The following METTL21C variants were observed in gnomAD, a reference collection of about 807,000 sequenced individuals.
METTL21C encodes methyltransferase 21C, AARS1 lysine, also known as protein-lysine methyltransferase METTL21C.
Under a neutral mutation model 25.9 loss-of-function variants are expected in METTL21C, and 21 were observed. The ratio of observed to expected loss-of-function variants is 0.81; its 90% CI spans 0.58 to 1.17. The LOEUF (loss-of-function observed/expected upper bound fraction) is 1.17, where lower values mean the gene tolerates loss of function less well. Among genes scored for constraint, METTL21C ranks in the 50% most tolerant of loss-of-function variants. METTL21C has a pLI of 0.00. For missense variants in METTL21C, 312 were observed against 315.1 expected (o/e 0.99, Z 0.07); for synonymous variants, 125 against 124.7 (o/e 1.00, Z -0.01).
upstream of METTL21C, among the ~76,000 whole-genome samples, chr13:102,698,643 A>G (rs1885984906): frequency 6.6e-6 from 1 of 151,662 alleles, no homozygotes; most frequent in Non-Finnish European, 1.5e-5. Context: ...CCAATCAATG[A>G]CCCCAATTTT....
At chr13:102,690,553 C>T (rs1885803278) in intron 2 of METTL21C, among the ~76,000 whole-genome samples, 1 of 152,048 alleles carries the variant, frequency 6.6e-6, no homozygotes, top group African/African-American at 2.4e-5. Flanking sequence ...TTTGCATTCA[C>T]TTCCTCATAT....
At chr13:102,691,844 A>C (rs773963216) in intron 1 of METTL21C, among the ~76,000 whole-genome samples, 2 of 152,208 alleles carry the variant, frequency 1.3e-5, no homozygotes, top group Non-Finnish European at 2.9e-5. Context: ...CCCATGACCC[A>C]TCTAGCAGCT....
chr13:102,690,632 A>T (rs1398963463), intron 2 of METTL21C, among the ~76,000 whole-genome samples, 181 bp downstream of exon 2: 1 of 152,008 alleles, frequency 6.6e-6, no homozygotes, highest in African/African-American at 2.4e-5. Context: ...AGTGTTTCTG[A>T]AAGAAACACT....
At chr13:102,696,766 A>G (rs1240190169), upstream of METTL21C, among the ~76,000 whole-genome samples, 2 of 152,176 alleles carry the variant, frequency 1.3e-5, no homozygotes, top group Admixed American at 1.3e-4. Context: ...GGAACCAAGA[A>G]GTCTGAATTC....
chr13:102,692,606 A>G (rs1418207165), intron 1 of METTL21C, among the ~76,000 whole-genome samples: 1 of 152,218 alleles, frequency 6.6e-6, no homozygotes, highest in Non-Finnish European at 1.5e-5. Flanking sequence ...TCATTTGTAA[A>G]TTAGCATCAT....
In METTL21C at chr13:102,687,070, T is replaced by A; in HGVS notation, c.283-13A>T. The A allele has an allele frequency of 3.7e-6, 6 of 1,601,518 alleles. No homozygotes were observed. The highest frequency in any genetic ancestry group is 5.1e-6 in the Non-Finnish European group (6 of 1,168,682). ...ACAAAGCCATAGCCTAAAAAATAAT[T>A]ATAACTTTTCATGTGGGCATTGGAA... On this transcript the variant is annotated splice_polypyrimidine_tract_variant and intron_variant, in intron 2 of 3. Transcript: ENST00000267273.
In METTL21C at chr13:102,690,883, T is replaced by C. The variant is rs368026829; in HGVS notation, c.212A>G (p.Tyr71Cys). The change falls in exon 2 of 4, where the codon TAT becomes TGT. Residue 71 changes from tyrosine to cysteine, a missense_variant. Transcript: ENST00000267273. ...TDYASYTQEH[Y>C]RFAGKEIVIQ... Reference sequence around the variant, plus strand: ...GACAATCTCCTTTCCTGCAAACCGATAATGCTCCTGAGTGTAGCTGGCGTA... The same window carrying C: ...GACAATCTCCTTTCCTGCAAACCGACAATGCTCCTGAGTGTAGCTGGCGTA... 7 of 1,614,164 alleles carry C rather than the reference T, an allele frequency of 4.3e-6. No individual in the cohort carries two copies. The highest frequency in any genetic ancestry group is 5.1e-6 in the Non-Finnish European group (6 of 1,180,014).
Position 102,685,908 on chromosome 13 carries a change from C to G in METTL21C, c.*123G>C, listed in dbSNP as rs1885652949. The G allele has an allele frequency of 2.3e-6, 2 of 886,410 alleles. No homozygotes were observed. The highest frequency in any genetic ancestry group is 5.5e-5 in the East Asian group (2 of 36,520). 54.9% of individuals were successfully genotyped at this position (886,410 alleles called of 1,614,324 possible). A position where few individuals can be genotyped will look rare whatever the true frequency, so the allele number is the denominator to read the frequency against. On this transcript the variant is annotated 3_prime_UTR_variant, in exon 4 of 4. Transcript: ENST00000267273. ...TTCTGCAGTATTGTTACATTTGTTCCAAGTATACAAGTTGTTTCTATGCAC... is the reference window on the plus strand; with the variant it reads ...TTCTGCAGTATTGTTACATTTGTTCGAAGTATACAAGTTGTTTCTATGCAC...
Position 102,686,133 on chromosome 13 carries a change from A to G in METTL21C, c.693T>C (p.Tyr231=), listed in dbSNP as rs1595241220. The change falls in exon 4 of 4, where the codon TAT becomes TAC. Residue 231 remains tyrosine, a synonymous_variant. Transcript: ENST00000267273. The part of the protein sequence containing the change: ...WANKFRFSTD[Y]EFLDKFKQVF... ...CTTGCTTGAATTTATCTAAAAATTC[A>G]TAGTCGGTGCTGAACCTGAATTTGT... is the stretch of plus-strand genomic sequence containing the variant. 2 of 1,614,164 alleles carry G rather than the reference A, an allele frequency of 1.2e-6. No individual in the cohort carries two copies. The highest frequency in any genetic ancestry group is 1.7e-6 in the Non-Finnish European group (2 of 1,179,976).
chr13:102,704,110 A>G, the METTL21C span, among the ~76,000 whole-genome samples: 1 of 152,246 alleles, frequency 6.6e-6, no homozygotes, highest in Non-Finnish European at 1.5e-5. Context: ...AAAATGTTAC[A>G]ATCCAACTAA....
upstream of METTL21C, among the ~76,000 whole-genome samples, chr13:102,697,854 G>T (rs555340394): frequency 2.6e-5 from 4 of 152,270 alleles, no homozygotes; most frequent in Non-Finnish European, 5.9e-5. Flanking sequence ...ACAGGAGCAG[G>T]CGACCAGAGC....
chr13:102,700,762 G>C, the METTL21C span, among the ~76,000 whole-genome samples: 1 of 152,150 alleles, frequency 6.6e-6, no homozygotes, highest in Admixed American at 6.5e-5. Flanking sequence ...CAGTGATTCA[G>C]CTTTGAAGCT....
chr13:102,702,712 T>C, the METTL21C span, among the ~76,000 whole-genome samples: 1 of 152,108 alleles, frequency 6.6e-6, no homozygotes, highest in Non-Finnish European at 1.5e-5. Flanking sequence ...TGCCTCAGCC[T>C]CCCAAGTAGC....
At chr13:102,692,160 G>T (rs1462681789) in intron 1 of METTL21C, among the ~76,000 whole-genome samples, 1 of 152,168 alleles carries the variant, frequency 6.6e-6, no homozygotes, top group Admixed American at 6.5e-5. Flanking sequence ...AGGTAGAAGG[G>T]GGCAGCCGGT....
At chr13:102,691,994 A>T (rs1223417173) in intron 1 of METTL21C, among the ~76,000 whole-genome samples, 3 of 152,166 alleles carry the variant, frequency 2.0e-5, no homozygotes, top group Admixed American at 6.5e-5. Flanking sequence ...GAGCAGGAGC[A>T]GAGGAAAAGG....
At chr13:102,690,289 C>T (rs554601028) in intron 2 of METTL21C, among the ~76,000 whole-genome samples, 10 of 152,026 alleles carry the variant, frequency 6.6e-5, no homozygotes, top group East Asian at 1.9e-4. Flanking sequence ...GGCATGGTGG[C>T]GCGCACCTGT....
At position 102,687,072 on chromosome 13, in the gene METTL21C, T is replaced by C. The variant is rs1009211837; in HGVS notation, c.283-15A>G. 5 of 1,594,974 alleles carry C rather than the reference T, an allele frequency of 3.1e-6. No individual in the cohort carries two copies. The highest frequency in any genetic ancestry group is 2.7e-5 in the African/African-American group (2 of 74,538). On this transcript the variant is annotated splice_polypyrimidine_tract_variant and intron_variant, in intron 2 of 3. Transcript: ENST00000267273. ...AAAGCCATAGCCTAAAAAATAATTA[T>C]AACTTTTCATGTGGGCATTGGAACA...
intron 2 of METTL21C, among the ~76,000 whole-genome samples, chr13:102,690,023 C>CT (rs1359514747): frequency 1.3e-5 from 2 of 152,166 alleles, no homozygotes; most frequent in Non-Finnish European, 2.9e-5. Flanking sequence ...CAGAGGACTG[C>CT]CCCCATTTCA....
chr13:102,703,302 T>C, the METTL21C span, among the ~76,000 whole-genome samples: 1 of 152,354 alleles, frequency 6.6e-6, no homozygotes, highest in South Asian at 2.1e-4. Context: ...CTGGAACTTC[T>C]AGCCCTGAGG....
Sources: gnomAD v4.1 joint callset for allele counts (sites outside exome capture counted in the v4.1 genomes callset) on GRCh38, gnomAD v4.1.1 for gene constraint, MANE v1.5 for transcripts, NCBI Gene and HGNC (gene_info 2026-07-23, HGNC 2026-07-21) for gene names.